Variants in TP63 observed in about 807,000 individuals in gnomAD.
TP63 encodes the protein tumor protein p63, also known as tumor protein 63.
A neutral mutation model predicts 82.8 loss-of-function variants in TP63; 17 were observed. The observed-to-expected ratio is 0.21, with a 90% CI of 0.14 to 0.31. The LOEUF (loss-of-function observed/expected upper bound fraction) is 0.31, where lower values mean the gene tolerates loss of function less well. TP63 is among the 10% of genes least tolerant of loss of function. TP63 has a pLI of 1.00. For synonymous variants in TP63, 330 were observed against 321.7 expected (o/e 1.03, Z -0.28); for missense variants, 648 against 895.3 (o/e 0.72, Z 3.52).
intron 1 of TP63, among the ~76,000 whole-genome samples, chr3:189,663,935 C>T (rs1356820105): frequency 6.6e-6 from 1 of 152,070 alleles, no homozygotes; most frequent in Non-Finnish European, 1.5e-5. Flanking sequence ...GTGTTAGGTG[C>T]CTTGGACACA....
At chr3:189,763,228 T>C (rs925336116) in intron 3 of TP63, among the ~76,000 whole-genome samples, 13 of 152,212 alleles carry the variant, frequency 8.5e-5, no homozygotes, top group African/African-American at 2.7e-4. Context: ...GATCCGTGAC[T>C]GTGCCACTGC....
chr3:189,797,714 G>A (rs10513843), intron 3 of TP63, among the ~76,000 whole-genome samples: 12,527 of 152,100 alleles, frequency 0.082, 795 homozygotes, highest in Admixed American at 0.21. Flanking sequence ...GGTGAGGCAG[G>A]AAGCTCTTCA....
chr3:189,864,370 G>A lies in TP63; in HGVS notation c.718G>A (p.Val240Met). The A allele has an allele frequency of 6.2e-7, 1 of 1,614,042 alleles. No individual in the cohort carries two copies. The highest frequency in any genetic ancestry group is 1.3e-5 in the African/African-American group (1 of 75,024). ...VYKKAEHVTE[V>M]VKRCPNHELS... ...CAAAAAAGCTGAGCACGTCACGGAGGTGGTGAAGCGGTGCCCCAACCATGA... is the reference window on the plus strand; with the variant it reads ...CAAAAAAGCTGAGCACGTCACGGAGATGGTGAAGCGGTGCCCCAACCATGA... The change falls in exon 5 of 14, where the codon GTG (valine) becomes ATG (methionine). Residue 240 changes from valine to methionine, a missense_variant. Around this residue, in one of 5 missense-constraint regions of TP63, gnomAD observed 64 missense variants for 144.2 expected, o/e 0.44. Coordinates refer to ENST00000264731, the MANE Select transcript of TP63 (RefSeq NM_003722.5).
chr3:189,633,601 T>C (rs1437656708), intron 1 of TP63, among the ~76,000 whole-genome samples: 1 of 152,206 alleles, frequency 6.6e-6, no homozygotes, highest in South Asian at 2.1e-4. Context: ...TAAGTAGTTT[T>C]AAATTTTCCT....
chr3:189,872,220 A>T (rs917839893), intron 9 of TP63, among the ~76,000 whole-genome samples: 19 of 151,234 alleles, frequency 1.3e-4, no homozygotes, highest in Non-Finnish European at 1.8e-4. Context: ...TCCTAAGAGA[A>T]ATATAGGATT....
At chr3:189,628,155 G>A (rs1729361337), upstream of TP63, among the ~76,000 whole-genome samples, 1 of 152,054 alleles carries the variant, frequency 6.6e-6, no homozygotes, top group Admixed American at 6.6e-5. Flanking sequence ...ACAAAAAAGT[G>A]CAGATATAAT....
upstream of TP63, among the ~76,000 whole-genome samples, chr3:189,629,673 A>T (rs1025738605): frequency 6.6e-6 from 1 of 152,080 alleles, no homozygotes; most frequent in Non-Finnish European, 1.5e-5. Flanking sequence ...CTCACCCCAG[A>T]CCTACTGAAC....
intron 4 of TP63, among the ~76,000 whole-genome samples, chr3:189,815,043 C>A (rs1420301783): frequency 2.0e-5 from 3 of 152,076 alleles, no homozygotes; most frequent in African/African-American, 7.2e-5. Flanking sequence ...CCCTTTTCTT[C>A]TTTCTCCCTA....
rs2378529 is a variant in TP63, at chr3:189,878,597, T to C, written c.1349+5602T>C. Among the ~76,000 whole-genome samples the C allele has an allele frequency of 7.9e-5, 10 of 127,334 alleles. No individual in the cohort carries two copies. In the East Asian group the frequency reaches 1.4e-3, roughly 18 times the overall value. The allele number at this position is 127,334 out of a possible 152,430, so 83.5% of individuals were successfully genotyped here. A position where few individuals can be genotyped will look rare whatever the true frequency, so the allele number is the denominator to read the frequency against. On this transcript the variant is annotated intron_variant, in intron 10 of 13. Transcript: ENST00000264731. ...TATATATATAATTTTTTTTTTCTTT[T>C]TTTTTTTTTTTAGTAGAGACGGGAT...
chr3:189,735,750 C>T (rs1200153783), intron 1 of TP63, among the ~76,000 whole-genome samples: 2 of 152,148 alleles, frequency 1.3e-5, no homozygotes, highest in African/African-American at 4.8e-5. Flanking sequence ...CAATATAAAG[C>T]ATAGTCTGAC....
intron 5 of TP63, among the ~76,000 whole-genome samples, chr3:189,865,775 C>T (rs780933296): frequency 7.9e-5 from 12 of 152,224 alleles, no homozygotes; most frequent in Admixed American, 2.0e-4. Flanking sequence ...ACTTAACAAT[C>T]TGCCATAAAG....
chr3:189,863,405 T>C (rs1421511236), intron 4 of TP63, among the ~76,000 whole-genome samples: 1 of 152,156 alleles, frequency 6.6e-6, no homozygotes, highest in Non-Finnish European at 1.5e-5. Flanking sequence ...CAGGATGGGA[T>C]CTCTATCTGG....
chr3:189,726,135 A>G (rs1719763653), intron 1 of TP63, among the ~76,000 whole-genome samples: 1 of 152,256 alleles, frequency 6.6e-6, no homozygotes, highest in African/African-American at 2.4e-5. Flanking sequence ...GCAAATTTAT[A>G]TTTAAGAAAA....
intron 1 of TP63, among the ~76,000 whole-genome samples, chr3:189,664,896 T>C (rs1200519272): frequency 6.6e-6 from 1 of 152,182 alleles, no homozygotes; most frequent in Non-Finnish European, 1.5e-5. Context: ...GGAGACAGTG[T>C]TGTATCGGAG....
intron 1 of TP63, among the ~76,000 whole-genome samples, chr3:189,733,644 G>C (rs1353330728): frequency 6.6e-6 from 1 of 152,090 alleles, no homozygotes; most frequent in African/African-American, 2.4e-5. Flanking sequence ...TTTGACATTT[G>C]CTATGATTGC....
chr3:189,746,670 TG>T (rs1428360001), intron 3 of TP63, among the ~76,000 whole-genome samples: 1 of 151,596 alleles, frequency 6.6e-6, no homozygotes, highest in African/African-American at 2.4e-5. Flanking sequence ...ATTAATAAAA[TG>T]GCAGGTGTAA....
chr3:189,858,505 T>TACA (rs1716600334), intron 4 of TP63, among the ~76,000 whole-genome samples: 3 of 152,268 alleles, frequency 2.0e-5, no homozygotes, highest in Admixed American at 2.0e-4. Flanking sequence ...TTGGGCATAG[T>TACA]GGCTCATGCC....
chr3:189,748,941 A>C (rs958281969), intron 3 of TP63, among the ~76,000 whole-genome samples: 11 of 152,042 alleles, frequency 7.2e-5, no homozygotes, highest in Non-Finnish European at 5.9e-5. Context: ...GAAAGGACAC[A>C]CTCTTCAATA....
intron 1 of TP63, among the ~76,000 whole-genome samples, chr3:189,700,885 G>C (rs1031059485): frequency 6.6e-6 from 1 of 152,030 alleles, no homozygotes; most frequent in African/African-American, 2.4e-5. Context: ...ACCAAGCTAG[G>C]AACATAAAAA....
Sources: allele counts gnomAD v4.1 joint callset (sites outside exome capture counted in the v4.1 genomes callset), GRCh38; gene constraint gnomAD v4.1.1; regional missense constraint gnomAD v4.1.1; transcripts MANE v1.5; gene names NCBI Gene and HGNC (gene_info 2026-07-23, HGNC 2026-07-21).